PIGN: variants seen among roughly 807,000 people sequenced by gnomAD.
PIGN encodes the protein phosphatidylinositol glycan anchor biosynthesis class N.
PIGN carries 117 observed loss-of-function variants against 125.4 expected under a neutral mutation model. The ratio of observed to expected loss-of-function variants is 0.93; its 90% confidence interval spans 0.80 to 1.09. The LOEUF (loss-of-function observed/expected upper bound fraction) is 1.09, where lower values mean the gene tolerates loss of function less well. Among genes scored for constraint, PIGN ranks in the 50% least tolerant of loss-of-function variants. PIGN has a pLI of 0.00. For synonymous variants in PIGN, 392 were observed against 377.8 expected, an observed-to-expected ratio of 1.04 and a Z score of -0.44; for missense variants, 1,075 against 1,094.9, an observed-to-expected ratio of 0.98 and a Z score of 0.26.
chr18:62,172,370 T>G (rs2037371954), intron 1 of PIGN, among the ~76,000 whole-genome samples: 1 of 152,144 alleles, frequency 6.6e-6, no homozygotes, highest in African/African-American at 2.4e-5. Context: ...CTTAATTCCT[T>G]TCAGTTAGAT....
intron 23 of PIGN, among the ~76,000 whole-genome samples, chr18:62,018,365 G>A (rs1240823430): frequency 6.6e-6 from 1 of 152,192 alleles, no homozygotes; most frequent in Non-Finnish European, 1.5e-5. Context: ...GAACGATTCC[G>A]TTTGATCCGT....
chr18:62,156,883 G>C lies in PIGN; in HGVS notation c.442+246C>G, dbSNP rs3764490. Among the ~76,000 whole-genome samples, 12 of 152,176 alleles carry C rather than the reference G, an allele frequency of 7.9e-5. No homozygotes were observed. The East Asian group carries it at 1.7e-3, about 22-fold the overall frequency. On this transcript the variant is annotated intron_variant, in intron 6 of 30. Coordinates refer to ENST00000640252, the MANE Select transcript of PIGN (RefSeq NM_176787.5). ...TTGCTCAAGATTATATAGCTGTTAA[G>C]CGATAGTGCTATATACCACTTAATT...
chr18:62,053,973 AAAC>A (rs2031523803), intron 30 of PIGN, among the ~76,000 whole-genome samples: 1 of 152,244 alleles, frequency 6.6e-6, no homozygotes, highest in East Asian at 1.9e-4. Context: ...CTTGGAAACT[AAAC>A]AACACAACTG....
intron 30 of PIGN, among the ~76,000 whole-genome samples, chr18:62,066,976 T>C (rs1398512990): frequency 2.0e-5 from 3 of 152,220 alleles, no homozygotes; most frequent in African/African-American, 7.2e-5. Context: ...GAGTGGTCTG[T>C]ACTTAGAACT....
At position 62,050,373 on chromosome 18, in the gene PIGN, C is replaced by T. The variant is rs936495627; in HGVS notation, c.2673-4394G>A. 2.0e-3 allele frequency among the ~76,000 whole-genome samples: 310 copies of T among 152,184 alleles called. 1 individual carries two copies. The highest frequency in any genetic ancestry group is 7.0e-3 in the African/African-American group (292 of 41,540). On this transcript the variant is annotated intron_variant, in intron 30 of 30. Coordinates refer to ENST00000640252, the MANE Select transcript of PIGN (RefSeq NM_176787.5). The stretch of plus-strand genomic sequence containing the variant: ...CATTTGTTTGTATCCTCTTTTATTT[C>T]ATTGAGCAGTGGTTTGTAGTTCTCC...
At chr18:62,173,366 G>T (rs954223165) in intron 1 of PIGN, among the ~76,000 whole-genome samples, 2 of 152,052 alleles carry the variant, frequency 1.3e-5, no homozygotes, top group African/African-American at 2.4e-5. Context: ...TAGTAGCCGG[G>T]ACCACAAGGT....
At chr18:62,134,762 G>A (rs1482051368) in intron 14 of PIGN, among the ~76,000 whole-genome samples, 4 of 152,178 alleles carry the variant, frequency 2.6e-5, no homozygotes, top group Admixed American at 2.0e-4. Flanking sequence ...ATGTTCAAAT[G>A]AATTCCCTTT....
chr18:62,048,288 G>T lies in PIGN; in HGVS notation c.2673-2309C>A, dbSNP rs192471226. On this transcript the variant is annotated intron_variant, in intron 30 of 30. Coordinates refer to ENST00000640252, the MANE Select transcript of PIGN (RefSeq NM_176787.5). Reference sequence around the variant, plus strand: ...AAAGAGGCTAAAAGAGTACTCACAGGAATAGTGGCTGAAAAGTTTCCAAAT... The same window carrying T: ...AAAGAGGCTAAAAGAGTACTCACAGTAATAGTGGCTGAAAAGTTTCCAAAT... Among the ~76,000 whole-genome samples, 22 of 152,266 alleles carry T rather than the reference G, an allele frequency of 1.4e-4. No individual in the cohort carries two copies. The East Asian group carries it at 2.5e-3, about 17-fold the overall frequency.
intron 23 of PIGN, among the ~76,000 whole-genome samples, chr18:62,093,619 C>T (rs74514154): frequency 7.9e-5 from 12 of 152,192 alleles, no homozygotes; most frequent in Non-Finnish European, 1.8e-4. Context: ...ACAATAGCTC[C>T]ATTTGCATAA....
chr18:62,161,293 C>T lies in PIGN; in HGVS notation c.61G>A (p.Asp21Asn). The T allele has an allele frequency of 6.2e-7, 1 of 1,613,620 alleles. No individual in the cohort carries two copies. Among genetic ancestry groups the T allele is most frequent in the Non-Finnish European group, 8.5e-7 (1 of 1,179,778 alleles). ...IHFVFFASIF[D>N]IYFTSPLVHG... The stretch of plus-strand genomic sequence containing the variant: ...ACCAAAGGAGATGTAAAATAAATGT[C>T]AAAGATGGAGGCGAAGAACACAAAA... Residue 21 changes from aspartate to asparagine, a missense_variant, in exon 4 of 31, where the codon GAC becomes AAC. Asp to Asn is a conservative substitution (Grantham distance 23). Around this residue, in one of 3 missense-constraint regions of PIGN, gnomAD observed 152 missense variants for 162.9 expected, o/e 0.93. Coordinates refer to ENST00000640252, the MANE Select transcript of PIGN (RefSeq NM_176787.5).
intron 14 of PIGN, among the ~76,000 whole-genome samples, chr18:62,127,364 A>G (rs968437233): frequency 6.6e-6 from 1 of 152,198 alleles, no homozygotes; most frequent in Non-Finnish European, 1.5e-5. Context: ...AGCTTGTTTT[A>G]TACTAAAGTG....
chr18:62,175,769 T>A (rs1362824648), intron 1 of PIGN, among the ~76,000 whole-genome samples: 7 of 152,232 alleles, frequency 4.6e-5, no homozygotes, highest in Non-Finnish European at 8.8e-5. Context: ...CACTTTATGA[T>A]TCATTGGTGG....
chr18:62,148,909 G>A (rs1467729143), intron 7 of PIGN, among the ~76,000 whole-genome samples: 1 of 151,974 alleles, frequency 6.6e-6, no homozygotes, highest in Non-Finnish European at 1.5e-5. Context: ...GTGAGGCTGG[G>A]AATAATTAAT....
intron 1 of PIGN, among the ~76,000 whole-genome samples, chr18:62,168,857 T>A (rs536070157): frequency 6.7e-6 from 1 of 150,014 alleles, no homozygotes; most frequent in Admixed American, 6.6e-5. Context: ...CCACTAATTT[T>A]TTTTTTTTTT....
intron 1 of PIGN, among the ~76,000 whole-genome samples, chr18:62,168,822 C>T (rs2037245923): frequency 6.6e-6 from 1 of 151,090 alleles, no homozygotes; most frequent in Admixed American, 6.6e-5. Flanking sequence ...CTTTGTAATC[C>T]AACATTACCC....
At position 62,106,792 on chromosome 18, in the gene PIGN, T is replaced by G; in HGVS notation, c.1764A>C (p.Ala588=). 6.2e-7 allele frequency: 1 copy of G among 1,601,170 alleles called. No homozygotes were observed. Among genetic ancestry groups the G allele is most frequent in the African/African-American group, 1.3e-5 (1 of 74,800 alleles). ...ATGTCAAAATGAGTACTCATACCTT[T>G]GCTCGAGTCCACAGCCGAGTGAGAA... ...WPFLTRLWTR[A]KMTSLSWTFF... The change falls in exon 19 of 31, where the codon GCA becomes GCC. Residue 588 remains alanine (A), a synonymous_variant. Transcript: ENST00000640252.
rs1568185349 is a variant in PIGN at position 62,109,922 on chromosome 18, CT to C, written c.1485del (p.Ala496HisfsTer5). On this transcript the variant is annotated frameshift_variant, in exon 17 of 31. Coordinates refer to ENST00000640252, the MANE Select transcript of PIGN (RefSeq NM_176787.5). LOFTEE classifies it high-confidence loss of function. ...CAGGCTTGAATCAGCAGAAAAAATG[CT>C]ACTAAAATGCCAATAGCTACAAAAC... ...PCSFVAIGIL[V>X]AFFLLIQACP... The C allele has an allele frequency of 1.9e-6, 3 of 1,613,208 alleles. No homozygotes were observed. In the Admixed American group the frequency reaches 5.0e-5, roughly 27 times the overall value.
chr18:62,143,600 T>A (rs528302100), intron 10 of PIGN, among the ~76,000 whole-genome samples: 2 of 152,300 alleles, frequency 1.3e-5, no homozygotes, highest in South Asian at 4.1e-4. Flanking sequence ...GGGAGATAAT[T>A]GTTTCAAAAC....
downstream of PIGN, among the ~76,000 whole-genome samples, chr18:62,038,794 C>T (rs917613212): frequency 1.3e-5 from 2 of 151,916 alleles, no homozygotes; most frequent in South Asian, 2.1e-4. Flanking sequence ...AAAATTAGCC[C>T]GTGGTTCCAG....
Sources: allele counts gnomAD v4.1 joint callset (sites outside exome capture counted in the v4.1 genomes callset), GRCh38; gene constraint gnomAD v4.1.1; regional missense constraint gnomAD v4.1.1; transcripts MANE v1.5; gene names NCBI Gene and HGNC (gene_info 2026-07-23, HGNC 2026-07-21).